Variants in CRKL observed in about 807,000 individuals in gnomAD.
The protein encoded by CRKL is crk-like protein.
In CRKL, 3 loss-of-function variants were observed where a neutral mutation model predicts 23.0. The observed-to-expected ratio is 0.13, with a 90% CI of 0.06 to 0.34. CRKL has a LOEUF of 0.34. Ranked by LOEUF, CRKL falls within the 10% of genes least tolerant of loss-of-function variation. The pLI, the probability that CRKL is intolerant of heterozygous loss-of-function variation, is 1.00. For missense variants in CRKL, 256 were observed against 394.5 expected (o/e 0.65, Z 2.97); for synonymous variants, 188 against 160.7 (o/e 1.17, Z -1.28).
chr22:20,941,560 G>A (rs1264489478), intron 2 of CRKL, among the ~76,000 whole-genome samples: 2 of 39,410 alleles, frequency 5.1e-5, no homozygotes, highest in South Asian at 1.6e-3. Flanking sequence ...GTGTGTGTGT[G>A]TGTGTGTGTG....
intron 1 of CRKL, among the ~76,000 whole-genome samples, chr22:20,926,477 G>C (rs1569132559): frequency 1.3e-5 from 2 of 152,126 alleles, no homozygotes; most frequent in African/African-American, 4.8e-5. Flanking sequence ...GGATTGAGTG[G>C]TGCCTTTGAG....
In CRKL at chr22:20,927,192, A is replaced by ATT. The variant is rs532930393; in HGVS notation, c.312-6570_312-6569dup. ...AGTACTTAGCTCATCTTGGAATTGA[A>ATT]TTTTTTTTTTTTTTTTTTGAGACAG... On this transcript the variant is annotated intron_variant, in intron 1 of 2. Transcript: ENST00000354336. Among the ~76,000 whole-genome samples, 73 of 81,958 alleles carry ATT rather than the reference A, an allele frequency of 8.9e-4. 8 individuals are homozygous for ATT. The highest frequency in any genetic ancestry group is 3.0e-3 in the African/African-American group (51 of 16,962). 53.8% of individuals were successfully genotyped at this position (81,958 alleles called of 152,430 possible). A position where few individuals can be genotyped will look rare whatever the true frequency, so the allele number is the denominator to read the frequency against.
At chr22:20,928,233 G>T (rs1019266306) in intron 1 of CRKL, among the ~76,000 whole-genome samples, 12 of 152,048 alleles carry the variant, frequency 7.9e-5, no homozygotes, top group Admixed American at 7.2e-4. Flanking sequence ...GAGGTAGGAG[G>T]ATTGCTTGAG....
chr22:20,917,606 G>A lies in CRKL; in HGVS notation c.-329G>A, dbSNP rs756565077. ...GGCGCCGGCGCGTTCCAGGCCGGGA[G>A]TCACTGGAGGCACCCCTGGGACGCC... On this transcript the variant is annotated 5_prime_UTR_variant, in exon 1 of 3. Transcript: ENST00000354336. The A allele has an allele frequency of 5.5e-6, 2 of 366,288 alleles. No homozygotes were observed. The highest frequency in any genetic ancestry group is 9.9e-6 in the Non-Finnish European group (2 of 202,938). 22.7% of individuals were successfully genotyped at this position (366,288 alleles called of 1,614,324 possible). A position where few individuals can be genotyped will look rare whatever the true frequency, so the allele number is the denominator to read the frequency against.
intron 1 of CRKL, among the ~76,000 whole-genome samples, chr22:20,931,526 C>T (rs1181147523): frequency 1.3e-5 from 2 of 152,172 alleles, no homozygotes; most frequent in African/African-American, 4.8e-5. Context: ...TGCATTATGC[C>T]ATTAATTCTC....
intron 2 of CRKL, among the ~76,000 whole-genome samples, chr22:20,942,657 G>T (rs946758462): frequency 1.3e-5 from 2 of 151,648 alleles, no homozygotes; most frequent in African/African-American, 4.9e-5. Flanking sequence ...GTTTTGCTCT[G>T]TTGCCCAGGC....
chr22:20,941,588 A>ATATATATATATTT (rs1247116681), intron 2 of CRKL, among the ~76,000 whole-genome samples: 2 of 33,554 alleles, frequency 6.0e-5, no homozygotes, highest in African/African-American at 2.4e-4. Context: ...GTATATATAT[A>ATATATATATATTT]TTTTTTTTTT....
intron 2 of CRKL, among the ~76,000 whole-genome samples, chr22:20,939,789 C>CTT (rs57712024): frequency 2.6e-4 from 34 of 128,342 alleles, no homozygotes; most frequent in African/African-American, 8.8e-4. Flanking sequence ...TCTCTGAATC[C>CTT]TTTTTTTTTT....
chr22:20,940,938 A>G (rs1921848515), intron 2 of CRKL, among the ~76,000 whole-genome samples: 1 of 152,052 alleles, frequency 6.6e-6, no homozygotes, highest in Non-Finnish European at 1.5e-5. Flanking sequence ...GTAATCTGCA[A>G]AGTAAGTTTA....
rs374440433 is a variant in CRKL at position 20,924,835 on chromosome 22, C to T, written c.311+6590C>T. 1.1e-4 allele frequency among the ~76,000 whole-genome samples: 17 copies of T among 151,762 alleles called. No individual in the cohort carries two copies. In the South Asian group the frequency reaches 2.9e-3, roughly 26 times the overall value. On this transcript the variant is annotated intron_variant, in intron 1 of 2. Coordinates refer to ENST00000354336, the MANE Select transcript of CRKL (RefSeq NM_005207.4). Reference sequence around the variant, plus strand: ...ATCCTGGGCGACAGAGTGAGACTCTCTCCAAAAAAACAAAAAACAAGAACA... The same window carrying T: ...ATCCTGGGCGACAGAGTGAGACTCTTTCCAAAAAAACAAAAAACAAGAACA...
Position 20,953,463 on chromosome 22 carries a change from T to C in CRKL, c.*3618T>C, listed in dbSNP as rs1408509774. On this transcript the variant is annotated 3_prime_UTR_variant, in exon 3 of 3. Transcript: ENST00000354336. ...ACAACAACAACAACATAAAACTCTT[T>C]TGACCTGTAACTTAAAGATCATAAA... 4.3e-6 allele frequency: 1 copy of C among 231,674 alleles called. No homozygotes were observed. Among genetic ancestry groups the C allele is most frequent in the Non-Finnish European group, 8.5e-6 (1 of 117,028 alleles). 14.4% of individuals were successfully genotyped at this position (231,674 alleles called of 1,614,324 possible).
At chr22:20,928,156 C>CA (rs905308216) in intron 1 of CRKL, among the ~76,000 whole-genome samples, 9 of 150,654 alleles carry the variant, frequency 6.0e-5, no homozygotes, top group South Asian at 2.1e-4. Context: ...GACTCTGTCT[C>CA]AAAAAAAAAG....
intron 1 of CRKL, among the ~76,000 whole-genome samples, chr22:20,933,050 A>T (rs960400499): frequency 2.0e-5 from 3 of 151,814 alleles, no homozygotes; most frequent in African/African-American, 4.8e-5. Flanking sequence ...ACTGCACTCC[A>T]GCCTGGGTGA....
chr22:20,941,689 G>C (rs1333883873), intron 2 of CRKL, among the ~76,000 whole-genome samples: 1 of 143,976 alleles, frequency 6.9e-6, no homozygotes, highest in Non-Finnish European at 1.5e-5. Flanking sequence ...CTGCCTCCCG[G>C]GTTCAAGCAG....
intron 1 of CRKL, among the ~76,000 whole-genome samples, chr22:20,930,766 C>T (rs1156781258): frequency 2.8e-5 from 4 of 143,010 alleles, no homozygotes; most frequent in Admixed American, 2.1e-4. Flanking sequence ...CTGCAAGCTC[C>T]GCCTCCCGGG....
chr22:20,922,059 C>T (rs1448863407), intron 1 of CRKL, among the ~76,000 whole-genome samples: 4 of 127,128 alleles, frequency 3.1e-5, no homozygotes, highest in Admixed American at 2.0e-4. Context: ...TGTGGCCAGG[C>T]TAGAGTGCAG....
intron 2 of CRKL, among the ~76,000 whole-genome samples, chr22:20,946,037 G>T (rs182790053): frequency 6.6e-6 from 1 of 152,268 alleles, no homozygotes; most frequent in African/African-American, 2.4e-5. Flanking sequence ...ATACAACTTC[G>T]CAGGATGTTC....
chr22:20,917,890 G>C lies in CRKL; in HGVS notation c.-45G>C. 1 of 1,582,668 alleles carries C rather than the reference G, an allele frequency of 6.3e-7. No individual in the cohort carries two copies. Among genetic ancestry groups the C allele is most frequent in the South Asian group, 1.2e-5 (1 of 86,812 alleles). On this transcript the variant is annotated 5_prime_UTR_variant, in exon 1 of 3. Coordinates refer to ENST00000354336, the MANE Select transcript of CRKL (RefSeq NM_005207.4). ...GGGCTAAGGCGTGCAGAGCAGGCGA[G>C]GACAGCCGCCGCCCCTACCGCCGCA...
chr22:20,937,644 C>T (rs1216299822), intron 2 of CRKL, among the ~76,000 whole-genome samples: 1 of 151,246 alleles, frequency 6.6e-6, no homozygotes, highest in African/African-American at 2.4e-5. Context: ...TTAAGATAAC[C>T]TACATACTTG....
Sources: allele counts gnomAD v4.1 joint callset (sites outside exome capture counted in the v4.1 genomes callset), GRCh38; gene constraint gnomAD v4.1.1; transcripts MANE v1.5; gene names NCBI Gene and HGNC (gene_info 2026-07-23, HGNC 2026-07-21).